The following HECW1 variants were observed in gnomAD, a reference collection of about 807,000 sequenced individuals.
The protein encoded by HECW1 is HECT, C2 and WW domain containing E3 ubiquitin protein ligase 1.
In HECW1, 61 loss-of-function variants were observed where a neutral mutation model predicts 182.3. The ratio of observed to expected loss-of-function variants is 0.33; its 90% CI spans 0.27 to 0.41. The LOEUF is 0.41. HECW1 is among the 10% of genes least tolerant of loss of function. The pLI is 1.00. For synonymous variants in HECW1, 859 were observed against 832.6 expected, an observed-to-expected ratio of 1.03 and a Z score of -0.55; for missense variants, 1,739 against 2,108.9, an observed-to-expected ratio of 0.82 and a Z score of 3.44.
intron 13 of HECW1, among the ~76,000 whole-genome samples, chr7:43,456,886 A>C (rs761611241): frequency 3.3e-5 from 5 of 152,208 alleles, no homozygotes; most frequent in Admixed American, 1.3e-4. Context: ...AACACATTCC[A>C]AGGATAGGTT....
At chr7:43,297,025 A>C (rs1806138592) in intron 3 of HECW1, among the ~76,000 whole-genome samples, 1 of 152,212 alleles carries the variant, frequency 6.6e-6, no homozygotes. Flanking sequence ...GATGCTTGGT[A>C]AAATATAGCT....
chr7:43,146,429 A>G (rs935203874), intron 2 of HECW1, among the ~76,000 whole-genome samples: 1 of 152,212 alleles, frequency 6.6e-6, no homozygotes, highest in Non-Finnish European at 1.5e-5. Flanking sequence ...GATTATATGT[A>G]TCAATGCCAT....
chr7:43,534,931 C>T (rs1352165736), intron 24 of HECW1, among the ~76,000 whole-genome samples: 1 of 152,204 alleles, frequency 6.6e-6, no homozygotes. Context: ...ATTCATTAGA[C>T]TCTCAGGTGG....
At chr7:43,499,329 T>C (rs1425840695) in intron 19 of HECW1, among the ~76,000 whole-genome samples, 1 of 151,564 alleles carries the variant, frequency 6.6e-6, no homozygotes, top group Non-Finnish European at 1.5e-5. Context: ...CCTAGCTGAG[T>C]GTGGCGGTGC....
At chr7:43,184,215 G>A (rs1408127599) in intron 2 of HECW1, among the ~76,000 whole-genome samples, 2 of 152,064 alleles carry the variant, frequency 1.3e-5, no homozygotes, top group African/African-American at 2.4e-5. Flanking sequence ...GGGTTTCACT[G>A]TGTTAGCCAG....
intron 8 of HECW1, among the ~76,000 whole-genome samples, chr7:43,417,593 T>C (rs1021439980): frequency 6.6e-6 from 1 of 152,086 alleles, no homozygotes; most frequent in Non-Finnish European, 1.5e-5. Flanking sequence ...CCCAGTGAGG[T>C]GGCACACACC....
chr7:43,320,505 CTGGTT>C lies in HECW1; in HGVS notation c.353-129_353-125del, dbSNP rs1809968945. The C allele has an allele frequency of 7.6e-6, 5 of 653,834 alleles. No individual in the cohort carries two copies. In the Admixed American group the frequency reaches 1.1e-4, roughly 15 times the overall value. The allele number at this position is 653,834 out of a possible 1,614,324, so 40.5% of individuals were successfully genotyped here. A position where few individuals can be genotyped will look rare whatever the true frequency, so the allele number is the denominator to read the frequency against. On this transcript the variant is annotated intron_variant, in intron 4 of 29. Coordinates refer to ENST00000395891, the MANE Select transcript of HECW1 (RefSeq NM_015052.5). The stretch of plus-strand genomic sequence containing the variant: ...GGGGTGCTTCCTGCTCTCTGATTCT[CTGGTT>C]CCAGGTGCTTTTTCTTCTGTTGAGA...
intron 9 of HECW1, among the ~76,000 whole-genome samples, chr7:43,442,189 G>A (rs1365630276): frequency 6.6e-6 from 1 of 152,174 alleles, no homozygotes; most frequent in African/African-American, 2.4e-5. Flanking sequence ...TTTTGTTTTT[G>A]TGTTACATGA....
intron 2 of HECW1, among the ~76,000 whole-genome samples, chr7:43,124,938 A>G (rs370603869): frequency 8.7e-4 from 133 of 152,330 alleles, no homozygotes; most frequent in African/African-American, 2.8e-3. Context: ...TGTGTTTTCA[A>G]GATGCCTTAG....
At position 43,450,833 on chromosome 7, in the gene HECW1, T is replaced by C. The variant is rs1584947278; in HGVS notation, c.2404T>C (p.Cys802Arg). ...ATTGACTATCTTGTCCGTAGGTGAATGTCCTATACTCCATAATTCCCAGCC... is the reference window on the plus strand; with the variant it reads ...ATTGACTATCTTGTCCGTAGGTGAACGTCCTATACTCCATAATTCCCAGCC... ...AGPSNRREGE[C>R]PILHNSQPVS... Residue 802 changes from cysteine (C) to arginine (R), a missense_variant, in exon 12 of 30, where the codon TGT becomes CGT. Transcript: ENST00000395891. The C allele has an allele frequency of 6.3e-7, 1 of 1,598,300 alleles. No homozygotes were observed. The highest frequency in any genetic ancestry group is 1.1e-5 in the South Asian group (1 of 90,704).
At chr7:43,484,877 G>T (rs2078570221) in intron 17 of HECW1, among the ~76,000 whole-genome samples, 1 of 152,202 alleles carries the variant, frequency 6.6e-6, no homozygotes, top group Non-Finnish European at 1.5e-5. Context: ...CTCAGAATGT[G>T]TGACCAGAAT....
At chr7:43,252,237 A>G (rs926181490) in intron 3 of HECW1, among the ~76,000 whole-genome samples, 5 of 152,138 alleles carry the variant, frequency 3.3e-5, no homozygotes, top group African/African-American at 7.2e-5. Context: ...GTCTTTCAGT[A>G]GCTCACCTCT....
At chr7:43,292,444 G>C (rs1201024389) in intron 3 of HECW1, among the ~76,000 whole-genome samples, 3 of 152,214 alleles carry the variant, frequency 2.0e-5, no homozygotes, top group African/African-American at 7.2e-5. Context: ...CAGGGCAAAG[G>C]TGTAGTTATA....
At chr7:43,446,214 T>C (rs184187184) in intron 11 of HECW1, among the ~76,000 whole-genome samples, 1 of 152,320 alleles carries the variant, frequency 6.6e-6, no homozygotes, top group African/African-American at 2.4e-5. Context: ...AATAACATGA[T>C]TGTGTATAAA....
rs755426112 is a variant in HECW1, at chr7:43,463,770, C to T, written c.2762C>T (p.Ser921Leu). 1.2e-5 allele frequency: 20 copies of T among 1,613,994 alleles called. No individual in the cohort carries two copies. The East Asian group carries it at 3.6e-4, about 29-fold the overall frequency. The stretch of plus-strand genomic sequence containing the variant: ...GGAGGCGGAGGTGGAGGGAGTGACT[C>T]AGAAGCCGAATCTTCCCAGTCCAGC... ...AGGGGGGGSD[S>L]EAESSQSSLD... is the part of the protein sequence containing the mutation. The change falls in exon 14 of 30, where the codon TCA (serine) becomes TTA (leucine). Residue 921 changes from serine (S) to leucine (L), a missense_variant. This residue lies in a region of HECW1 where 971 missense variants were observed against 1,029.1 expected (regional missense o/e 0.94). Coordinates refer to ENST00000395891, the MANE Select transcript of HECW1 (RefSeq NM_015052.5).
In HECW1 at chr7:43,444,655, A is replaced by T. The variant is rs1187745396; in HGVS notation, c.1483A>T (p.Ser495Cys). 1 of 1,607,014 alleles carries T rather than the reference A, an allele frequency of 6.2e-7. No homozygotes were observed. The highest frequency in any genetic ancestry group is 8.5e-7 in the Non-Finnish European group (1 of 1,176,630). ...CTTGGAGGAGGAAGCAACGACCCAG[A>T]GCCGGGCTGGAAGGGAAGAAGAGGA... ...EPLEEEATTQ[S>C]RAGREEEEKE... The change falls in exon 11 of 30, where the codon AGC becomes TGC. Residue 495 changes from serine (S) to cysteine (C), a missense_variant. Around this residue, in one of 5 missense-constraint regions of HECW1, gnomAD observed 971 missense variants for 1,029.1 expected, o/e 0.94. Transcript: ENST00000395891. This position sits in a 1 kb window ranked among gnomAD's most constrained non-coding sequence, Gnocchi z 4.3.
intron 26 of HECW1, among the ~76,000 whole-genome samples, chr7:43,546,752 G>C (rs2081581628): frequency 6.6e-6 from 1 of 152,152 alleles, no homozygotes; most frequent in Non-Finnish European, 1.5e-5. Context: ...TTGGCAGCTG[G>C]TGTTATCTTT....
chr7:43,314,836 A>G (rs1187156906), intron 4 of HECW1, among the ~76,000 whole-genome samples: 2 of 152,252 alleles, frequency 1.3e-5, no homozygotes, highest in Admixed American at 6.5e-5. Flanking sequence ...GTGCTTTGCC[A>G]GAGATCAAAT....
intron 24 of HECW1, among the ~76,000 whole-genome samples, chr7:43,528,629 C>T (rs2080857525): frequency 6.6e-6 from 1 of 152,120 alleles, no homozygotes; most frequent in African/African-American, 2.4e-5. Flanking sequence ...TTTAGAAGTG[C>T]TTTCTCTAAA....
Sources: allele counts gnomAD v4.1 joint callset (sites outside exome capture counted in the v4.1 genomes callset), GRCh38; gene constraint gnomAD v4.1.1; regional missense constraint gnomAD v4.1.1; non-coding constraint Gnocchi (gnomAD v3.1); transcripts MANE v1.5; gene names NCBI Gene and HGNC (gene_info 2026-07-23, HGNC 2026-07-21).